Variants in RAPGEF6 observed in about 807,000 individuals in gnomAD.
RAPGEF6 encodes Rap guanine nucleotide exchange factor 6.
In RAPGEF6, 56 loss-of-function variants were observed where a neutral mutation model predicts 171.4. The observed-to-expected ratio is 0.33, with a 90% confidence interval of 0.26 to 0.41. The LOEUF (loss-of-function observed/expected upper bound fraction) is 0.41, where lower values mean the gene tolerates loss of function less well. Ranked by LOEUF, RAPGEF6 falls within the 10% of genes least tolerant of loss-of-function variation. The probability of loss-of-function intolerance (pLI) is 1.00; values close to 1 mark genes in which losing one functional copy is unlikely to be tolerated. For missense variants in RAPGEF6, 1,674 were observed against 1,921.4 expected (o/e 0.87, Z 2.41); for synonymous variants, 692 against 650.1 (o/e 1.06, Z -0.98).
intron 1 of RAPGEF6, among the ~76,000 whole-genome samples, chr5:131,628,700 T>G (rs1766101377): frequency 6.6e-6 from 1 of 152,118 alleles, no homozygotes; most frequent in Non-Finnish European, 1.5e-5. Context: ...CTGACTCCTG[T>G]TAGAGGATAA....
At chr5:131,580,268 C>T (rs1026773739) in intron 4 of RAPGEF6, among the ~76,000 whole-genome samples, 5 of 152,164 alleles carry the variant, frequency 3.3e-5, no homozygotes, top group East Asian at 1.9e-4. Context: ...CCACAGCTGC[C>T]GGCACGGGTG....
intron 17 of RAPGEF6, 98 bp downstream of exon 17, chr5:131,472,488 AG>A (rs1754814804): frequency 3.8e-6 from 5 of 1,328,484 alleles, no homozygotes; most frequent in Non-Finnish European, 5.3e-6. Context: ...TAGAGTTAAG[AG>A]GGCTGCAAGT....
rs1762592502 is a variant in RAPGEF6, at chr5:131,576,133, T to C, written c.282-14086A>G. ...TAGCACCAAACCTGAACCTCGTGAC[T>C]GTATCTCTCTAATCCATATGGCATT... On this transcript the variant is annotated intron_variant, in intron 4 of 27. Coordinates refer to ENST00000509018, the MANE Select transcript of RAPGEF6 (RefSeq NM_016340.6). Among the ~76,000 whole-genome samples, 3 of 152,198 alleles carry C rather than the reference T, an allele frequency of 2.0e-5. No homozygotes were observed. The East Asian group carries it at 5.8e-4, about 29-fold the overall frequency.
At chr5:131,567,560 T>C (rs1413397534) in intron 4 of RAPGEF6, among the ~76,000 whole-genome samples, 1 of 152,222 alleles carries the variant, frequency 6.6e-6, no homozygotes, top group African/African-American at 2.4e-5. Context: ...TATTTCTTTC[T>C]GATATTGATT....
chr5:131,567,359 TTAAGA>T (rs1762014517), intron 4 of RAPGEF6, among the ~76,000 whole-genome samples: 1 of 152,218 alleles, frequency 6.6e-6, no homozygotes, highest in South Asian at 2.1e-4. Flanking sequence ...CTTTTCATTC[TTAAGA>T]TGACTAGATC....
chr5:131,594,349 C>T (rs868165615), intron 3 of RAPGEF6, among the ~76,000 whole-genome samples: 7 of 152,232 alleles, frequency 4.6e-5, no homozygotes, highest in African/African-American at 1.2e-4. Flanking sequence ...GTTGGGCCTG[C>T]GGGTACGCAG....
chr5:131,566,942 A>G lies in RAPGEF6; in HGVS notation c.282-4895T>C, dbSNP rs187288309. Among the ~76,000 whole-genome samples the G allele has an allele frequency of 6.1e-4, 93 of 151,832 alleles. 1 individual carries two copies. Among genetic ancestry groups the G allele is most frequent in the African/African-American group, 2.2e-3 (91 of 41,414 alleles). On this transcript the variant is annotated intron_variant, in intron 4 of 27. Coordinates refer to ENST00000509018, the MANE Select transcript of RAPGEF6 (RefSeq NM_016340.6). ...TGGCCTGTCTCTACTAAAAATACAA[A>G]ATTTATCTGGGCGTGGTGGTATGCA...
chr5:131,460,861 A>G (rs548266414), intron 19 of RAPGEF6, among the ~76,000 whole-genome samples: 1 of 152,320 alleles, frequency 6.6e-6, no homozygotes, highest in Non-Finnish European at 1.5e-5. Context: ...CTACATGAGG[A>G]GTAGAAACAA....
intron 15 of RAPGEF6, among the ~76,000 whole-genome samples, chr5:131,481,266 C>T (rs1473852189): frequency 6.7e-6 from 1 of 149,912 alleles, no homozygotes; most frequent in African/African-American, 2.5e-5. Flanking sequence ...CACTCTGTTG[C>T]CCAGGCTGGA....
chr5:131,562,107 G>T, intron 4 of RAPGEF6, 60 bp from the exon 5 acceptor site: 1 of 1,150,604 alleles, frequency 8.7e-7, no homozygotes, highest in Non-Finnish European at 1.2e-6. Flanking sequence ...TATCAATATA[G>T]GAAAAGAAAA....
intron 1 of RAPGEF6, among the ~76,000 whole-genome samples, chr5:131,622,604 C>G (rs1229702054): frequency 6.6e-6 from 1 of 152,194 alleles, no homozygotes; most frequent in South Asian, 2.1e-4. Context: ...TTAATAAAAT[C>G]GCTCATTCTA....
At chr5:131,567,644 G>T (rs778418156) in intron 4 of RAPGEF6, among the ~76,000 whole-genome samples, 1 of 151,942 alleles carries the variant, frequency 6.6e-6, no homozygotes, top group Non-Finnish European at 1.5e-5. Flanking sequence ...TGAGACTTGT[G>T]TTATGTTACT....
rs959582197 is a variant in RAPGEF6 at position 131,508,933 on chromosome 5, G to A, written c.806-726C>T. Among the ~76,000 whole-genome samples, 6 of 152,054 alleles carry A rather than the reference G, an allele frequency of 3.9e-5. No individual in the cohort carries two copies. In the East Asian group the frequency reaches 9.6e-4, roughly 24 times the overall value. ...CACTTTCAGTTTCTGTCGAGATAAC[G>A]TTCATAACATAAATCCACACTGCAG... On this transcript the variant is annotated intron_variant, in intron 8 of 27. Coordinates refer to ENST00000509018, the MANE Select transcript of RAPGEF6 (RefSeq NM_016340.6).
rs150185682 is a variant in RAPGEF6, at chr5:131,429,556, A to G, written c.4466-340T>C. ...CACCAGCCCTAAAGATATCAGAAAC[A>G]TTTAAAAGTTCACCCTACACACCGA... On this transcript the variant is annotated intron_variant, in intron 26 of 27. Transcript: ENST00000509018. 4.1e-3 allele frequency among the ~76,000 whole-genome samples: 631 copies of G among 152,266 alleles called. 4 individuals carry two copies. Among genetic ancestry groups the G allele is most frequent in the African/African-American group, 0.013 (547 of 41,556 alleles).
In RAPGEF6 at chr5:131,510,330, T is replaced by C. The variant is rs1757636704; in HGVS notation, c.789A>G (p.Lys263=). ...ATTTCTTACCAATGTCATCATCAGT[T>C]TTGTCTGCAGGTTCTTTTTCAAGAC... ...RECLEKEPAD[K]TDDDIEQLLE... is the part of the protein sequence containing the mutation. The change falls in exon 8 of 28, where the codon AAA becomes AAG. Residue 263 remains lysine (K), a synonymous_variant. Coordinates refer to ENST00000509018, the MANE Select transcript of RAPGEF6 (RefSeq NM_016340.6). 6.2e-7 allele frequency: 1 copy of C among 1,613,072 alleles called. No individual in the cohort carries two copies. The highest frequency in any genetic ancestry group is 8.5e-7 in the Non-Finnish European group (1 of 1,179,780).
rs538650094 is a variant in RAPGEF6 at position 131,635,186 on chromosome 5, C to A, written c.-156G>T. ...CTAGCAAACAACCCTTCGCAACGCCCGCCTAAGGCCTCTACCCACGCGCGA... is the reference window on the plus strand; with the variant it reads ...CTAGCAAACAACCCTTCGCAACGCCAGCCTAAGGCCTCTACCCACGCGCGA... On this transcript the variant is annotated 5_prime_UTR_variant, in exon 1 of 28. Transcript: ENST00000509018. 726 of 731,120 alleles carry A rather than the reference C, an allele frequency of 9.9e-4. 11 individuals are homozygous for A. The South Asian group carries it at 0.013, about 13-fold the overall frequency. 45.3% of individuals were successfully genotyped at this position (731,120 alleles called of 1,614,324 possible). A position where few individuals can be genotyped will look rare whatever the true frequency, so the allele number is the denominator to read the frequency against.
chr5:131,587,407 T>A lies in RAPGEF6; in HGVS notation c.281+4976A>T, dbSNP rs577979146. Among the ~76,000 whole-genome samples, 7 of 152,246 alleles carry A rather than the reference T, an allele frequency of 4.6e-5. No individual in the cohort carries two copies. The East Asian group carries it at 1.4e-3, about 29-fold the overall frequency. The stretch of plus-strand genomic sequence containing the variant: ...TCAGGAAACTGGTGTTGAGGAAAAG[T>A]AAGAGAGTAGATTTAAGAAAAGGCA... On this transcript the variant is annotated intron_variant, in intron 4 of 27. Coordinates refer to ENST00000509018, the MANE Select transcript of RAPGEF6 (RefSeq NM_016340.6).
intron 22 of RAPGEF6, among the ~76,000 whole-genome samples, chr5:131,444,779 A>G (rs553204923): frequency 6.6e-6 from 1 of 152,324 alleles, no homozygotes; most frequent in African/African-American, 2.4e-5. Context: ...TTTCATAACC[A>G]TAAGATGATT....
chr5:131,497,601 C>T (rs892264507), intron 12 of RAPGEF6, among the ~76,000 whole-genome samples: 18 of 152,248 alleles, frequency 1.2e-4, no homozygotes, highest in Admixed American at 9.2e-4. Flanking sequence ...TATTCTTGTT[C>T]ATTTCCAAAG....
Sources: allele counts gnomAD v4.1 joint callset (sites outside exome capture counted in the v4.1 genomes callset), GRCh38; gene constraint gnomAD v4.1.1; transcripts MANE v1.5; gene names NCBI Gene and HGNC (gene_info 2026-07-23, HGNC 2026-07-21).